ST7: variants seen among roughly 807,000 people sequenced by gnomAD.
The protein encoded by ST7 is suppressor of tumorigenicity 7 protein.
A neutral mutation model predicts 78.7 loss-of-function variants in ST7; 28 were observed. The ratio of observed to expected loss-of-function variants is 0.36; its 90% CI spans 0.26 to 0.49. The LOEUF is 0.49. ST7 is among the 20% of genes least tolerant of loss of function. The probability of loss-of-function intolerance (pLI) is 0.99; values close to 1 mark genes in which losing one functional copy is unlikely to be tolerated. For synonymous variants in ST7, 247 were observed against 249.6 expected (o/e 0.99, Z 0.10); for missense variants, 418 against 696.0 (o/e 0.60, Z 4.49).
At chr7:117,198,129 G>A (rs1267493966) in intron 12 of ST7, among the ~76,000 whole-genome samples, 1 of 152,212 alleles carries the variant, frequency 6.6e-6, no homozygotes, top group African/African-American at 2.4e-5. Context: ...AATAAAGTAT[G>A]GGAGGAGGGA....
At chr7:117,138,204 A>G (rs1385623716) in intron 8 of ST7, among the ~76,000 whole-genome samples, 2 of 152,180 alleles carry the variant, frequency 1.3e-5, no homozygotes, top group African/African-American at 4.8e-5. Flanking sequence ...ACTTTGTGGC[A>G]GATGATTTTA....
chr7:117,049,537 A>G (rs1281993138), intron 1 of ST7, among the ~76,000 whole-genome samples: 1 of 152,214 alleles, frequency 6.6e-6, no homozygotes, highest in Non-Finnish European at 1.5e-5. Context: ...TTCTCAAATC[A>G]TACTATAGTC....
intron 1 of ST7, among the ~76,000 whole-genome samples, chr7:117,063,798 G>A (rs1278918212): frequency 6.6e-6 from 1 of 152,152 alleles, no homozygotes; most frequent in African/African-American, 2.4e-5. Flanking sequence ...CTTCTTTGAA[G>A]GTAGCTGAAT....
At chr7:117,004,306 A>C (rs999571415) in intron 1 of ST7, among the ~76,000 whole-genome samples, 13 of 152,198 alleles carry the variant, frequency 8.5e-5, no homozygotes, top group Non-Finnish European at 1.6e-4. Flanking sequence ...CCTTCGTGTT[A>C]TCCACTTGGC....
chr7:116,986,223 G>T (rs754861826), intron 1 of ST7, among the ~76,000 whole-genome samples: 4 of 152,200 alleles, frequency 2.6e-5, no homozygotes, highest in Non-Finnish European at 4.4e-5. Context: ...GGATGATTCT[G>T]CTGTTTCATT....
intron 7 of ST7, 26 bp from the exon 8 acceptor site, chr7:117,136,055 A>T: frequency 6.2e-7 from 1 of 1,610,034 alleles, no homozygotes; most frequent in Middle Eastern, 1.7e-4. Flanking sequence ...TTTGTAATTG[A>T]TGGTGGCTAT....
chr7:117,099,720 C>T (rs1165235621), intron 1 of ST7, 42 bp from the exon 2 acceptor site: 1 of 1,458,528 alleles, frequency 6.9e-7, no homozygotes, highest in Admixed American at 1.8e-5. Flanking sequence ...CATACTCATA[C>T]ATTCCTTGTT....
At chr7:117,211,405 G>C (rs1341188489) in intron 13 of ST7, among the ~76,000 whole-genome samples, 1 of 152,134 alleles carries the variant, frequency 6.6e-6, no homozygotes, top group African/African-American at 2.4e-5. Flanking sequence ...TATGTAAGAT[G>C]TTCTATCAGA....
At chr7:117,136,428 G>T in intron 8 of ST7, 193 bp downstream of exon 8, 1 of 649,900 alleles carries the variant, frequency 1.5e-6, no homozygotes, top group Non-Finnish European at 2.6e-6. Context: ...CTTCATTGCT[G>T]TTTATATTCA....
chr7:117,092,679 G>A (rs1190305214), intron 1 of ST7, among the ~76,000 whole-genome samples: 2 of 152,138 alleles, frequency 1.3e-5, no homozygotes, highest in South Asian at 2.1e-4. Context: ...AAACTATTCC[G>A]GTGTGTTCCC....
rs1261251586 is a variant in ST7, at chr7:116,953,636, A to G, written c.96A>G (p.Leu32=). The G allele has an allele frequency of 6.6e-7, 1 of 1,506,742 alleles. No homozygotes were observed. The highest frequency in any genetic ancestry group is 9.0e-7 in the Non-Finnish European group (1 of 1,115,216). 93.3% of individuals were successfully genotyped at this position (1,506,742 alleles called of 1,614,324 possible). Residue 32 remains leucine, a synonymous_variant, in exon 1 of 16, where the codon CTA becomes CTG. Transcript: ENST00000323984. ...YLWTVWFFIV[L]FLVYILRVPL... is the part of the protein sequence containing the mutation. ...GGACCGTGTGGTTCTTCATCGTGCT[A>G]TTCCTGGTCTACATCCTGCGGGTGC...
At chr7:117,082,440 AC>A (rs1799855573) in intron 1 of ST7, among the ~76,000 whole-genome samples, 1 of 152,346 alleles carries the variant, frequency 6.6e-6, no homozygotes, top group African/African-American at 2.4e-5. Context: ...AATAATATTT[AC>A]CAGAGTTGAG....
At chr7:117,221,864 C>A in intron 14 of ST7, 59 bp from the exon 15 acceptor site, 1 of 1,511,798 alleles carries the variant, frequency 6.6e-7, no homozygotes, top group Non-Finnish European at 8.8e-7. Context: ...CCATAAAGAC[C>A]TCCCCTGAGA....
At chr7:117,103,477 G>A (rs1351162716) in intron 2 of ST7, among the ~76,000 whole-genome samples, 2 of 152,166 alleles carry the variant, frequency 1.3e-5, no homozygotes, top group East Asian at 3.8e-4. Context: ...TTTCGACAAA[G>A]GCACTGAGAA....
intron 8 of ST7, chr7:117,136,800 A>C (rs554870786): frequency 1.3e-5 from 2 of 152,718 alleles, no homozygotes; most frequent in South Asian, 2.1e-4. Context: ...TAAACTCCCC[A>C]AAAAACGCCT....
intron 15 of ST7, chr7:117,223,190 T>C: frequency 1.7e-6 from 1 of 574,384 alleles, no homozygotes; most frequent in Non-Finnish European, 3.1e-6. Context: ...GATTCACCTC[T>C]TCTTTCCCTC....
chr7:117,082,521 T>C lies in ST7; in HGVS notation c.152-17241T>C, dbSNP rs116501546. Among the ~76,000 whole-genome samples, 1,271 of 152,356 alleles carry C rather than the reference T, an allele frequency of 8.3e-3. 21 individuals carry two copies. Among genetic ancestry groups the C allele is most frequent in the African/African-American group, 0.028 (1,171 of 41,582 alleles). On this transcript the variant is annotated intron_variant, in intron 1 of 15. Coordinates refer to ENST00000323984, the MANE Select transcript of ST7 (RefSeq NM_001369598.1). Reference sequence around the variant, plus strand: ...AAAGTTTCGAGGAATGGCAGCATCATTGGGATACTGATCGACTTCCCAAAT... The same window carrying C: ...AAAGTTTCGAGGAATGGCAGCATCACTGGGATACTGATCGACTTCCCAAAT...
intron 1 of ST7, among the ~76,000 whole-genome samples, chr7:117,007,252 C>T (rs2115877505): frequency 6.6e-6 from 1 of 152,256 alleles, no homozygotes; most frequent in East Asian, 1.9e-4. Context: ...CTCCAATGAA[C>T]ACACAAATGT....
At chr7:116,955,680 C>A (rs767746422) in intron 1 of ST7, among the ~76,000 whole-genome samples, 10 of 152,194 alleles carry the variant, frequency 6.6e-5, no homozygotes, top group Non-Finnish European at 1.3e-4. Flanking sequence ...TAAATAATTA[C>A]CCATGTATAT....
Sources: gnomAD v4.1 joint callset for allele counts (sites outside exome capture counted in the v4.1 genomes callset) on GRCh38, gnomAD v4.1.1 for gene constraint, MANE v1.5 for transcripts, NCBI Gene and HGNC (gene_info 2026-07-23, HGNC 2026-07-21) for gene names.